MYO16: variants seen among roughly 807,000 people sequenced by gnomAD.
The protein encoded by MYO16 is unconventional myosin-XVI.
Under a neutral mutation model 205.3 loss-of-function variants are expected in MYO16, and 94 were observed. The observed-to-expected ratio is 0.46, with a 90% CI of 0.39 to 0.54. The LOEUF (loss-of-function observed/expected upper bound fraction) is 0.54. Ranked by LOEUF, MYO16 falls within the 20% of genes least tolerant of loss-of-function variation. MYO16 has a pLI of 0.00. For synonymous variants in MYO16, 988 were observed against 954.0 expected (o/e 1.04, Z -0.66); for missense variants, 2,315 against 2,387.5 (o/e 0.97, Z 0.63).
chr13:108,704,213 C>T (rs972014799), intron 2 of MYO16, among the ~76,000 whole-genome samples: 1 of 152,032 alleles, frequency 6.6e-6, no homozygotes, highest in African/African-American at 2.4e-5. Context: ...CCAGAATACT[C>T]CTAAATAACC....
At chr13:108,921,284 G>A (rs1288969790) in intron 16 of MYO16, among the ~76,000 whole-genome samples, 2 of 152,170 alleles carry the variant, frequency 1.3e-5, no homozygotes, top group African/African-American at 4.8e-5. Flanking sequence ...TGACAGACCT[G>A]CTGGGTGGGT....
At chr13:108,933,580 A>T (rs1882352958) in intron 16 of MYO16, among the ~76,000 whole-genome samples, 1 of 151,626 alleles carries the variant, frequency 6.6e-6, no homozygotes, top group Non-Finnish European at 1.5e-5. Context: ...GATCTTACTA[A>T]ATTTTATTTT....
chr13:109,047,774 T>C (rs1887094321), intron 24 of MYO16, among the ~76,000 whole-genome samples: 1 of 152,160 alleles, frequency 6.6e-6, no homozygotes, highest in East Asian at 1.9e-4. Flanking sequence ...GATAGCTTTT[T>C]CGTGAAATAG....
At chr13:109,108,503 T>C (rs892643338) in intron 28 of MYO16, among the ~76,000 whole-genome samples, 1 of 152,238 alleles carries the variant, frequency 6.6e-6, no homozygotes, top group Non-Finnish European at 1.5e-5. Context: ...TGCTTAGAAA[T>C]CCATCTGTTT....
chr13:108,853,381 C>T (rs1877991083), intron 10 of MYO16, among the ~76,000 whole-genome samples: 1 of 152,166 alleles, frequency 6.6e-6, no homozygotes, highest in African/African-American at 2.4e-5. Context: ...CTGACAGCAT[C>T]AAAGCCTTAA....
At chr13:108,984,645 A>G (rs1884565420) in intron 20 of MYO16, among the ~76,000 whole-genome samples, 1 of 152,176 alleles carries the variant, frequency 6.6e-6, no homozygotes, top group African/African-American at 2.4e-5. Flanking sequence ...AACCAGACCC[A>G]TGTACTTGGG....
At chr13:108,530,897 T>C in the MYO16 span, among the ~76,000 whole-genome samples, 1 of 152,230 alleles carries the variant, frequency 6.6e-6, no homozygotes, top group South Asian at 2.1e-4. Context: ...AGAAATCTTG[T>C]CAATGTTTTC....
At chr13:108,601,055 G>T (rs2139299518) in intron 1 of MYO16, among the ~76,000 whole-genome samples, 1 of 152,116 alleles carries the variant, frequency 6.6e-6, no homozygotes, top group Admixed American at 6.6e-5. Context: ...TCAGCAGGTA[G>T]GGTGTTTTGA....
At chr13:108,859,463 A>G (rs1878353184) in intron 11 of MYO16, among the ~76,000 whole-genome samples, 1 of 152,204 alleles carries the variant, frequency 6.6e-6, no homozygotes, top group Non-Finnish European at 1.5e-5. Flanking sequence ...CAGGATTTTC[A>G]TCTCTTTTTG....
chr13:108,633,392 A>G (rs1880076342), intron 1 of MYO16, among the ~76,000 whole-genome samples: 3 of 152,216 alleles, frequency 2.0e-5, no homozygotes, highest in African/African-American at 7.2e-5. Context: ...TCAAAGGTCC[A>G]AGAGTCCAAA....
At chr13:108,695,277 C>T (rs1490480678) in intron 2 of MYO16, among the ~76,000 whole-genome samples, 1 of 152,180 alleles carries the variant, frequency 6.6e-6, no homozygotes, top group East Asian at 1.9e-4. Flanking sequence ...GTTGAAGACA[C>T]ACTTCCTTCC....
intron 9 of MYO16, among the ~76,000 whole-genome samples, chr13:108,840,865 C>T (rs1041447252): frequency 2.0e-5 from 3 of 152,154 alleles, no homozygotes; most frequent in Non-Finnish European, 4.4e-5. Context: ...GATTTTCATT[C>T]TGAAAGCTAA....
At chr13:108,820,499 C>T in intron 8 of MYO16, 87 bp downstream of exon 8, 1 of 1,138,052 alleles carries the variant, frequency 8.8e-7, no homozygotes, top group Non-Finnish European at 1.3e-6. Context: ...AGCACAGCTA[C>T]AAAGTGAGAG....
At chr13:108,875,523 G>C (rs1285664948) in intron 12 of MYO16, among the ~76,000 whole-genome samples, 1 of 152,114 alleles carries the variant, frequency 6.6e-6, no homozygotes, top group Non-Finnish European at 1.5e-5. Context: ...AACATGAACT[G>C]TAACACTGCA....
intron 16 of MYO16, among the ~76,000 whole-genome samples, chr13:108,917,550 G>T (rs1488370072): frequency 1.3e-5 from 2 of 152,122 alleles, no homozygotes; most frequent in African/African-American, 4.8e-5. Context: ...ACTCATACAG[G>T]ACCATCAATA....
chr13:108,955,738 C>T (rs1203060752), intron 16 of MYO16, among the ~76,000 whole-genome samples: 1 of 152,168 alleles, frequency 6.6e-6, no homozygotes, highest in East Asian at 1.9e-4. Context: ...GTAATCCCAG[C>T]TACCCAGGAG....
intron 1 of MYO16, among the ~76,000 whole-genome samples, chr13:108,606,862 G>C (rs1878978885): frequency 6.6e-6 from 1 of 152,110 alleles, no homozygotes; most frequent in South Asian, 2.1e-4. Context: ...GAAGGGAGCT[G>C]TACCCTGCAA....
At chr13:108,908,987 A>AAAAAAAAAT (rs1555311598) in intron 15 of MYO16, among the ~76,000 whole-genome samples, 1 of 148,840 alleles carries the variant, frequency 6.7e-6, no homozygotes, top group East Asian at 2.0e-4. Flanking sequence ...AAAATAAAAT[A>AAAAAAAAAT]AAATAAATAA....
intron 12 of MYO16, among the ~76,000 whole-genome samples, chr13:108,875,060 G>T (rs556298785): frequency 6.6e-6 from 1 of 152,160 alleles, no homozygotes; most frequent in African/African-American, 2.4e-5. Context: ...GTGAAGAAAA[G>T]GAGGGACTTT....
Sources: allele counts gnomAD v4.1 joint callset (sites outside exome capture counted in the v4.1 genomes callset), GRCh38; gene constraint gnomAD v4.1.1; transcripts MANE v1.5; gene names NCBI Gene and HGNC (gene_info 2026-07-23, HGNC 2026-07-21).